Variants in NRCAM observed in about 807,000 individuals in gnomAD.
The protein encoded by NRCAM is neuronal cell adhesion molecule.
Under a neutral mutation model 156.5 loss-of-function variants are expected in NRCAM, and 83 were observed. That is an observed-to-expected ratio of 0.53 (90% CI 0.44 to 0.64). The LOEUF is 0.64. Among genes scored for constraint, NRCAM ranks in the 30% least tolerant of loss-of-function variants. The pLI, the probability that NRCAM is intolerant of heterozygous loss-of-function variation, is 0.00. For synonymous variants in NRCAM, 538 were observed against 563.9 expected, an observed-to-expected ratio of 0.95 and a Z score of 0.65; for missense variants, 1,417 against 1,597.3, an observed-to-expected ratio of 0.89 and a Z score of 1.92.
At chr7:108,412,021 T>A (rs749233827) in intron 1 of NRCAM, among the ~76,000 whole-genome samples, 2 of 152,224 alleles carry the variant, frequency 1.3e-5, no homozygotes, top group Admixed American at 6.5e-5. Flanking sequence ...TTTGGTTCAA[T>A]GATTATTTAC....
chr7:108,177,937 A>C lies in NRCAM; in HGVS notation c.2974+53T>G, dbSNP rs1158199365. 6 of 1,515,016 alleles carry C rather than the reference A, an allele frequency of 4.0e-6. No homozygotes were observed. In the East Asian group the frequency reaches 1.2e-4, roughly 31 times the overall value. The allele number at this position is 1,515,016 out of a possible 1,614,324, so 93.8% of individuals were successfully genotyped here. A position where few individuals can be genotyped will look rare whatever the true frequency, so the allele number is the denominator to read the frequency against. On this transcript the variant is annotated intron_variant, in intron 26 of 32. Coordinates refer to ENST00000379028, the MANE Select transcript of NRCAM (RefSeq NM_001037132.4). The stretch of plus-strand genomic sequence containing the variant: ...GGTATAATTATTTGTCAATTAAAAT[A>C]ATAAATAAAATAAAAAAACATATTT...
intron 1 of NRCAM, among the ~76,000 whole-genome samples, chr7:108,454,905 G>A (rs1854833432): frequency 6.6e-6 from 1 of 152,244 alleles, no homozygotes; most frequent in African/African-American, 2.4e-5. Flanking sequence ...GTTCTGCGCC[G>A]GTGGTAGCCA....
intron 1 of NRCAM, among the ~76,000 whole-genome samples, chr7:108,409,527 C>G (rs1015686559): frequency 6.6e-6 from 1 of 152,146 alleles, no homozygotes; most frequent in Non-Finnish European, 1.5e-5. Context: ...CCATTTTCAC[C>G]CCGGTGCCAT....
At chr7:108,165,353 A>G (rs1260646400) in intron 30 of NRCAM, among the ~76,000 whole-genome samples, 1 of 152,186 alleles carries the variant, frequency 6.6e-6, no homozygotes, top group African/African-American at 2.4e-5. Context: ...CTTGAGGGGT[A>G]AGTGGAGTAA....
rs370163112 is a variant in NRCAM, at chr7:108,184,308, G to A, written c.2237C>T (p.Pro746Leu). Reference sequence around the variant, plus strand: ...TTCCACAGCTGTGGGGTTTTTATCTGGTTCTGGAAGTTAAGCAGCCACACA... The same window carrying A: ...TTCCACAGCTGTGGGGTTTTTATCTAGTTCTGGAAGTTAAGCAGCCACACA... Reference protein sequence around the residue: ...SEQYLTKASEPDKNPTAVEGL... With the variant: ...SEQYLTKASELDKNPTAVEGL... The change falls in exon 22 of 33, where the codon CCA (proline) becomes CTA (leucine). Residue 746 changes from proline (P) to leucine (L), a missense_variant. Physicochemically the swap from Pro to Leu is moderately conservative, Grantham distance 98 (BLOSUM62 -3). Around this residue, in one of 2 missense-constraint regions of NRCAM, gnomAD observed 1,238 missense variants for 1,336.4 expected, o/e 0.93. Coordinates refer to ENST00000379028, the MANE Select transcript of NRCAM (RefSeq NM_001037132.4). 1.9e-6 allele frequency: 3 copies of A among 1,614,070 alleles called. No homozygotes were observed. The highest frequency in any genetic ancestry group is 1.3e-5 in the African/African-American group (1 of 75,012).
chr7:108,272,125 C>G (rs1017641007), intron 3 of NRCAM, among the ~76,000 whole-genome samples: 1 of 152,208 alleles, frequency 6.6e-6, no homozygotes, highest in African/African-American at 2.4e-5. Flanking sequence ...AGTAACATAT[C>G]TGGATCTAAA....
chr7:108,215,247 C>A (rs1345734329), intron 11 of NRCAM, among the ~76,000 whole-genome samples: 2 of 139,850 alleles, frequency 1.4e-5, no homozygotes, highest in East Asian at 4.1e-4. Context: ...GAGTCTTGCT[C>A]TGTCACCCAG....
At chr7:108,183,815 G>A (rs1385044568) in intron 22 of NRCAM, among the ~76,000 whole-genome samples, 3 of 152,120 alleles carry the variant, frequency 2.0e-5, no homozygotes, top group African/African-American at 2.4e-5. Context: ...GATTATAGGC[G>A]TGAGCTACTG....
At chr7:108,209,393 C>T in intron 12 of NRCAM, 28 bp downstream of exon 12, 5 of 1,476,530 alleles carry the variant, frequency 3.4e-6, no homozygotes, top group Non-Finnish European at 4.6e-6. Context: ...CTCATGAAGG[C>T]AAGAAGAATG....
At chr7:108,212,855 C>G (rs1398948521) in intron 11 of NRCAM, among the ~76,000 whole-genome samples, 1 of 152,078 alleles carries the variant, frequency 6.6e-6, no homozygotes, top group African/African-American at 2.4e-5. Flanking sequence ...ACTTTTCTGG[C>G]CTTGCTAGGG....
chr7:108,273,123 A>C (rs1173485215), intron 3 of NRCAM, among the ~76,000 whole-genome samples: 1 of 152,188 alleles, frequency 6.6e-6, no homozygotes. Flanking sequence ...TACATGTGCC[A>C]TATTTTCTTT....
intron 3 of NRCAM, among the ~76,000 whole-genome samples, chr7:108,276,125 C>T (rs2097591768): frequency 6.6e-6 from 1 of 152,152 alleles, no homozygotes; most frequent in African/African-American, 2.4e-5. Flanking sequence ...TTTTCTTTTA[C>T]ATTTGCTGAG....
chr7:108,160,931 T>G (rs2151407826), intron 30 of NRCAM, among the ~76,000 whole-genome samples: 1 of 152,348 alleles, frequency 6.6e-6, no homozygotes, highest in South Asian at 2.1e-4. Flanking sequence ...GAACTGCTTT[T>G]AGAGGCTAAA....
At chr7:108,176,354 A>C (rs1354959102) in intron 27 of NRCAM, 76 bp downstream of exon 27, 17 of 1,318,688 alleles carry the variant, frequency 1.3e-5, no homozygotes, top group Non-Finnish European at 6.4e-6. Flanking sequence ...CATAGCAAGA[A>C]GGAAAAAGCA....
intron 2 of NRCAM, among the ~76,000 whole-genome samples, chr7:108,331,081 A>AT (rs1264269158): frequency 2.0e-5 from 3 of 152,162 alleles, no homozygotes; most frequent in African/African-American, 4.8e-5. Context: ...TAAACCTAAA[A>AT]ATATATATAT....
At chr7:108,247,516 T>A (rs1269643) in intron 3 of NRCAM, among the ~76,000 whole-genome samples, 59,911 of 151,932 alleles carry the variant, frequency 0.39, 14,235 homozygotes, top group East Asian at 0.83. Context: ...ACAAAACTTA[T>A]AGTCAGAATA....
intron 2 of NRCAM, among the ~76,000 whole-genome samples, chr7:108,357,871 A>G (rs1259066775): frequency 6.6e-6 from 1 of 152,134 alleles, no homozygotes; most frequent in Non-Finnish European, 1.5e-5. Flanking sequence ...TTGGAGAGGG[A>G]AAGAATAAAG....
chr7:108,335,836 C>T (rs1185160159), intron 2 of NRCAM, among the ~76,000 whole-genome samples: 10 of 152,134 alleles, frequency 6.6e-5, no homozygotes, highest in Admixed American at 6.6e-4. Flanking sequence ...TACTGTTTCC[C>T]TCTGTTGCTT....
chr7:108,282,407 G>A (rs979240351), intron 3 of NRCAM, among the ~76,000 whole-genome samples: 3 of 152,126 alleles, frequency 2.0e-5, no homozygotes, highest in Admixed American at 6.5e-5. Context: ...TAACACTGGG[G>A]CAGTAGCACT....
Sources: gnomAD v4.1 joint callset for allele counts (sites outside exome capture counted in the v4.1 genomes callset) on GRCh38, gnomAD v4.1.1 for gene constraint, gnomAD v4.1.1 regional missense constraint, MANE v1.5 for transcripts, NCBI Gene and HGNC (gene_info 2026-07-23, HGNC 2026-07-21) for gene names.